Variants in SMYD3 observed in about 807,000 individuals in gnomAD.
SMYD3 encodes SET and MYND domain containing 3, also known as histone-lysine N-methyltransferase SMYD3.
A neutral mutation model predicts 57.7 loss-of-function variants in SMYD3; 36 were observed. That is an observed-to-expected ratio of 0.62 (90% confidence interval 0.48 to 0.82). The LOEUF (loss-of-function observed/expected upper bound fraction) is 0.82, where lower values mean the gene tolerates loss of function less well. Among genes scored for constraint, SMYD3 ranks in the 40% least tolerant of loss-of-function variants. The probability of loss-of-function intolerance (pLI) is 0.00; values close to 1 mark genes in which losing one functional copy is unlikely to be tolerated. For synonymous variants in SMYD3, 211 were observed against 195.0 expected, an observed-to-expected ratio of 1.08 and a Z score of -0.68; for missense variants, 515 against 538.8, an observed-to-expected ratio of 0.96 and a Z score of 0.44.
chr1:246,295,186 A>G (rs1262902992), intron 5 of SMYD3, among the ~76,000 whole-genome samples: 1 of 152,098 alleles, frequency 6.6e-6, no homozygotes, highest in South Asian at 2.1e-4. Flanking sequence ...AATCTCCCCA[A>G]GCCCACTCAC....
At chr1:246,276,064 T>C (rs1196545096) in intron 5 of SMYD3, among the ~76,000 whole-genome samples, 1 of 122,394 alleles carries the variant, frequency 8.2e-6, no homozygotes, top group African/African-American at 2.8e-5. Context: ...ATTTAATGTC[T>C]GTAGTGGAGT....
intron 5 of SMYD3, among the ~76,000 whole-genome samples, chr1:246,269,552 T>C (rs1319891496): frequency 2.0e-5 from 3 of 151,154 alleles, no homozygotes; most frequent in South Asian, 2.1e-4. Flanking sequence ...TCTTTTTTTT[T>C]TTTGTTTTTG....
At chr1:246,141,057 A>G (rs1398748407) in intron 5 of SMYD3, among the ~76,000 whole-genome samples, 4 of 152,214 alleles carry the variant, frequency 2.6e-5, no homozygotes, top group Non-Finnish European at 5.9e-5. Context: ...GGCAGGCTTC[A>G]TTCAGGTGAC....
intron 5 of SMYD3, among the ~76,000 whole-genome samples, chr1:246,312,909 GGTTT>G (rs143419640): frequency 0.18 from 26,677 of 151,802 alleles, 2,600 homozygotes; most frequent in East Asian, 0.3. Context: ...TGTTGGTTTT[GGTTT>G]GTTTGTTTTT....
intron 7 of SMYD3, among the ~76,000 whole-genome samples, chr1:245,921,930 T>C (rs1452127483): frequency 6.6e-6 from 1 of 152,126 alleles, no homozygotes; most frequent in Admixed American, 6.6e-5. Flanking sequence ...AAGCTCACTA[T>C]CATGCAATAT....
chr1:246,370,265 T>C (rs2148729242), intron 1 of SMYD3, among the ~76,000 whole-genome samples: 1 of 152,170 alleles, frequency 6.6e-6, no homozygotes, highest in Non-Finnish European at 1.5e-5. Context: ...GAGATGGCAA[T>C]CAAGAAAGGC....
chr1:246,384,632 A>T lies in SMYD3; in HGVS notation c.165-29538T>A, dbSNP rs537472719. Among the ~76,000 whole-genome samples, 3 of 152,240 alleles carry T rather than the reference A, an allele frequency of 2.0e-5. No homozygotes were observed. The East Asian group carries it at 5.8e-4, about 29-fold the overall frequency. On this transcript the variant is annotated intron_variant, in intron 1 of 11. Coordinates refer to ENST00000490107, the MANE Select transcript of SMYD3 (RefSeq NM_001167740.2). ...GGCTGTTGTCAAACTCCTCACCTCA[A>T]GTGATCTGCCCGCCTCGGCCTCCCA...
chr1:246,034,635 G>T (rs2059736494), intron 5 of SMYD3: 1 of 154,724 alleles, frequency 6.5e-6, no homozygotes, highest in African/African-American at 2.4e-5. Flanking sequence ...AGAGGTGGAG[G>T]TGAGCATGGC....
At chr1:245,943,524 C>T (rs186187435) in intron 5 of SMYD3, among the ~76,000 whole-genome samples, 19 of 152,230 alleles carry the variant, frequency 1.2e-4, no homozygotes, top group Admixed American at 3.9e-4. Flanking sequence ...TAGGACCAGA[C>T]ATATTGACAG....
At position 245,867,560 on chromosome 1, in the gene SMYD3, G is replaced by A. The variant is rs1323137740; in HGVS notation, c.814-3674C>T. Among the ~76,000 whole-genome samples the A allele has an allele frequency of 2.6e-5, 4 of 152,140 alleles. No individual in the cohort carries two copies. In the East Asian group the frequency reaches 5.8e-4, roughly 22 times the overall value. On this transcript the variant is annotated intron_variant, in intron 8 of 11. Coordinates refer to ENST00000490107, the MANE Select transcript of SMYD3 (RefSeq NM_001167740.2). ...TAACCAGGCACTGTTCTAGGCAGTAGGGATAGAGCAGTAAATAAATCAGAT... is the reference window on the plus strand; with the variant it reads ...TAACCAGGCACTGTTCTAGGCAGTAAGGATAGAGCAGTAAATAAATCAGAT...
chr1:246,206,740 G>T (rs2063006289), intron 5 of SMYD3, among the ~76,000 whole-genome samples: 1 of 152,078 alleles, frequency 6.6e-6, no homozygotes, highest in Non-Finnish European at 1.5e-5. Context: ...TCATACTGTG[G>T]CTAAGAGAGC....
At chr1:246,255,932 A>G (rs1770001) in intron 5 of SMYD3, among the ~76,000 whole-genome samples, 4,889 of 37,484 alleles carry the variant, frequency 0.13, 192 homozygotes, top group African/African-American at 0.25. Flanking sequence ...CTAATAAGAT[A>G]GATAGATAGA....
Position 246,171,898 on chromosome 1 carries a change from C to T in SMYD3, c.531+155303G>A, listed in dbSNP as rs540756765. Among the ~76,000 whole-genome samples, 185 of 152,254 alleles carry T rather than the reference C, an allele frequency of 1.2e-3. 1 individual carries two copies. The highest frequency in any genetic ancestry group is 4.2e-3 in the African/African-American group (173 of 41,544). The stretch of plus-strand genomic sequence containing the variant: ...TGTTGGCAAACATCTGTAATCATAG[C>T]TACTCAGCAGGCTGAGGCAAGAGAA... On this transcript the variant is annotated intron_variant, in intron 5 of 11. Coordinates refer to ENST00000490107, the MANE Select transcript of SMYD3 (RefSeq NM_001167740.2).
chr1:245,842,948 G>A (rs1275327213), intron 10 of SMYD3, among the ~76,000 whole-genome samples: 2 of 152,048 alleles, frequency 1.3e-5, no homozygotes, highest in Non-Finnish European at 2.9e-5. Flanking sequence ...TTGCCTCGAG[G>A]GATCCTCCCA....
rs1241001179 is a variant in SMYD3 at position 246,203,051 on chromosome 1, G to A, written c.531+124150C>T. On this transcript the variant is annotated intron_variant, in intron 5 of 11. Coordinates refer to ENST00000490107, the MANE Select transcript of SMYD3 (RefSeq NM_001167740.2). This position sits in a 1 kb window ranked among gnomAD's most constrained non-coding sequence, Gnocchi z 4.6. ...GAGACAGGAGAATCACTTCAACCTG[G>A]GAGGGTGAGGTTGCACTGAGCTGAG... 6.6e-6 allele frequency among the ~76,000 whole-genome samples: 1 copy of A among 152,080 alleles called. No homozygotes were observed. The highest frequency in any genetic ancestry group is 1.5e-5 in the Non-Finnish European group (1 of 68,016).
chr1:245,811,932 T>G (rs1186278072), intron 10 of SMYD3, among the ~76,000 whole-genome samples: 1 of 152,232 alleles, frequency 6.6e-6, no homozygotes, highest in African/African-American at 2.4e-5. Flanking sequence ...CATGGGTCTG[T>G]GTCCACTCCG....
chr1:245,784,132 T>C (rs2046942091), intron 10 of SMYD3, among the ~76,000 whole-genome samples: 1 of 152,182 alleles, frequency 6.6e-6, no homozygotes, highest in Non-Finnish European at 1.5e-5. Context: ...TTTCAAATGT[T>C]TCTAGAGAAG....
At chr1:246,395,012 T>C (rs2066636488) in intron 1 of SMYD3, among the ~76,000 whole-genome samples, 1 of 152,194 alleles carries the variant, frequency 6.6e-6, no homozygotes, top group Non-Finnish European at 1.5e-5. Flanking sequence ...TTAGCTATGC[T>C]TTATGATATA....
chr1:246,150,041 T>G (rs1461972324), intron 5 of SMYD3, among the ~76,000 whole-genome samples: 1 of 152,252 alleles, frequency 6.6e-6, no homozygotes, highest in Admixed American at 6.5e-5. Flanking sequence ...AAAGAAATTC[T>G]GTTTTTTTAA....
Sources: gnomAD v4.1 joint callset for allele counts (sites outside exome capture counted in the v4.1 genomes callset) on GRCh38, gnomAD v4.1.1 for gene constraint, Gnocchi (gnomAD v3.1) non-coding constraint, MANE v1.5 for transcripts, NCBI Gene and HGNC (gene_info 2026-07-23, HGNC 2026-07-21) for gene names.